FAM167A: variants seen among roughly 807,000 people sequenced by gnomAD.
The protein encoded by FAM167A is protein FAM167A.
A neutral mutation model predicts 14.9 loss-of-function variants in FAM167A; 23 were observed. That is an observed-to-expected ratio of 1.55 (90% CI 1.11 to 2.19). FAM167A has a LOEUF of 2.19. Ranked by LOEUF, FAM167A falls within the 30% of genes most tolerant of loss-of-function variation. FAM167A has a pLI of 0.00. For missense variants in FAM167A, 401 were observed against 281.5 expected, an observed-to-expected ratio of 1.42 and a Z score of -3.04; for synonymous variants, 174 against 117.7, an observed-to-expected ratio of 1.48 and a Z score of -3.10.
At chr8:11,446,827 G>A (rs565288332) in intron 1 of FAM167A, among the ~76,000 whole-genome samples, 3 of 152,340 alleles carry the variant, frequency 2.0e-5, no homozygotes, top group South Asian at 2.1e-4. Context: ...CCCAGGCGCC[G>A]TCTGCCTCTT....
At chr8:11,466,267 C>T (rs1218655463) in intron 1 of FAM167A, among the ~76,000 whole-genome samples, 1 of 152,240 alleles carries the variant, frequency 6.6e-6, no homozygotes, top group Non-Finnish European at 1.5e-5. Context: ...TGGAGGTCAC[C>T]AGCCGCCTGG....
chr8:11,468,931 G>T (rs1257687983), upstream of FAM167A, among the ~76,000 whole-genome samples: 4 of 152,232 alleles, frequency 2.6e-5, no homozygotes, highest in Non-Finnish European at 5.9e-5. Context: ...CAGGAGGAGA[G>T]TGGGCCAGAG....
Position 11,424,153 on chromosome 8 carries a change from T to G in FAM167A, c.*220A>C. 3.5e-6 allele frequency: 2 copies of G among 575,024 alleles called. No individual in the cohort carries two copies. Among genetic ancestry groups the G allele is most frequent in the East Asian group, 3.0e-5 (1 of 33,174 alleles). 35.6% of individuals were successfully genotyped at this position (575,024 alleles called of 1,614,324 possible). A position where few individuals can be genotyped will look rare whatever the true frequency, so the allele number is the denominator to read the frequency against. ...TGGAGCGGCCCTTCTGCAGAGCTCT[T>G]TGGGTAGTAAGCAAGAGCCAGTCAC... On this transcript the variant is annotated 3_prime_UTR_variant, in exon 3 of 3. Coordinates refer to ENST00000284486, the MANE Select transcript of FAM167A (RefSeq NM_053279.3).
rs1317946295 is a variant in FAM167A at position 11,427,873 on chromosome 8, G to C, written c.382-3237C>G. 2.0e-5 allele frequency among the ~76,000 whole-genome samples: 3 copies of C among 152,138 alleles called. No individual in the cohort carries two copies. In the East Asian group the frequency reaches 5.8e-4, roughly 29 times the overall value. On this transcript the variant is annotated intron_variant, in intron 2 of 2. Transcript: ENST00000284486. Reference sequence around the variant, plus strand: ...AATTTATTGCTAATTAAATTCTATTGACCTAGAATAGCACCAAATTAATGA... The same window carrying C: ...AATTTATTGCTAATTAAATTCTATTCACCTAGAATAGCACCAAATTAATGA...
intron 2 of FAM167A, among the ~76,000 whole-genome samples, chr8:11,442,242 G>C (rs994788715): frequency 1.3e-5 from 2 of 152,160 alleles, no homozygotes; most frequent in Non-Finnish European, 1.5e-5. Flanking sequence ...CAGGAGATGT[G>C]AGCATGACTT....
At chr8:11,463,376 G>C (rs1807615579) in intron 1 of FAM167A, among the ~76,000 whole-genome samples, 2 of 152,190 alleles carry the variant, frequency 1.3e-5, no homozygotes, top group Non-Finnish European at 2.9e-5. Flanking sequence ...GGACAGTGGG[G>C]GCCAGGTCCC....
chr8:11,463,478 C>T (rs578114813), intron 1 of FAM167A, among the ~76,000 whole-genome samples: 16 of 152,308 alleles, frequency 1.1e-4, no homozygotes, highest in Admixed American at 5.2e-4. Context: ...CCAGCCAGCT[C>T]GCAGAGGCTC....
At chr8:11,460,955 G>C (rs1011112801) in intron 1 of FAM167A, among the ~76,000 whole-genome samples, 1 of 152,236 alleles carries the variant, frequency 6.6e-6, no homozygotes, top group Non-Finnish European at 1.5e-5. Context: ...ATGGGCTCAG[G>C]CTGCTTCAAG....
intron 2 of FAM167A, among the ~76,000 whole-genome samples, chr8:11,432,457 CAAAT>C (rs1461053480): frequency 2.0e-5 from 3 of 152,050 alleles, no homozygotes; most frequent in African/African-American, 4.8e-5. Flanking sequence ...AGCCAACAGA[CAAAT>C]AAAAAACACT....
chr8:11,444,051 C>A lies in FAM167A; in HGVS notation c.361G>T (p.Ala121Ser), dbSNP rs1251210802. The A allele has an allele frequency of 1.2e-6, 2 of 1,613,290 alleles. No homozygotes were observed. Among genetic ancestry groups the A allele is most frequent in the East Asian group, 2.2e-5 (1 of 44,880 alleles). ...EGFQSIDEAI[A>S]WLRKELTEMR... ...CTCACCAGTTCCTTCCTGAGCCAGG[C>A]TATAGCTTCATCGATGCTCTGAAAG... Residue 121 changes from alanine to serine, a missense_variant, in exon 2 of 3, where the codon GCC becomes TCC. Physicochemically the swap from Ala to Ser is moderately conservative, Grantham distance 99. Transcript: ENST00000284486.
At chr8:11,471,500 C>T (rs906053931), upstream of FAM167A, among the ~76,000 whole-genome samples, 25 of 152,162 alleles carry the variant, frequency 1.6e-4, no homozygotes, top group African/African-American at 5.8e-4. Flanking sequence ...GAGGTGGTGA[C>T]AGCAGGGGAC....
chr8:11,435,148 C>G (rs1379790731), intron 2 of FAM167A: 1 of 456,580 alleles, frequency 2.2e-6, no homozygotes, highest in Admixed American at 2.3e-5. Context: ...AGCCTCCTCT[C>G]CCACTCTGAT....
intron 1 of FAM167A, among the ~76,000 whole-genome samples, chr8:11,464,452 C>A (rs923234060): frequency 6.6e-6 from 1 of 152,160 alleles, no homozygotes; most frequent in African/African-American, 2.4e-5. Flanking sequence ...CTGCTCCCCA[C>A]CTCCCCCTGC....
chr8:11,452,057 G>A (rs28583691), intron 1 of FAM167A, among the ~76,000 whole-genome samples: 1 of 152,120 alleles, frequency 6.6e-6, no homozygotes, highest in Non-Finnish European at 1.5e-5. Context: ...CAATCCAAAA[G>A]GCTCCCTCTG....
intron 1 of FAM167A, among the ~76,000 whole-genome samples, chr8:11,475,548 T>C (rs1797849804): frequency 6.6e-6 from 1 of 151,870 alleles, no homozygotes; most frequent in African/African-American, 2.4e-5. Flanking sequence ...ACAGTTGAGA[T>C]CCAACCTTTT....
At chr8:11,449,219 A>C (rs1288255052) in intron 1 of FAM167A, among the ~76,000 whole-genome samples, 1 of 152,236 alleles carries the variant, frequency 6.6e-6, no homozygotes, top group Non-Finnish European at 1.5e-5. Flanking sequence ...GAACAAGCCC[A>C]AAGGGGTTTC....
At chr8:11,454,320 C>G (rs4841541) in intron 1 of FAM167A, among the ~76,000 whole-genome samples, 46,022 of 152,196 alleles carry the variant, frequency 0.3, 7,670 homozygotes, top group Middle Eastern at 0.44. Flanking sequence ...ATCAGAGAGA[C>G]TCGTGGCTTC....
intron 2 of FAM167A, among the ~76,000 whole-genome samples, chr8:11,433,396 C>G (rs1805756060): frequency 1.3e-5 from 2 of 152,038 alleles, no homozygotes; most frequent in African/African-American, 4.8e-5. Flanking sequence ...AATAGTTTGT[C>G]TTTTTTCTAT....
chr8:11,425,670 C>T lies in FAM167A; in HGVS notation c.382-1034G>A, dbSNP rs560927120. Among the ~76,000 whole-genome samples, 50 of 149,734 alleles carry T rather than the reference C, an allele frequency of 3.3e-4. 1 individual carries two copies. In the South Asian group the frequency reaches 8.8e-3, roughly 26 times the overall value. On this transcript the variant is annotated intron_variant, in intron 2 of 2. Coordinates refer to ENST00000284486, the MANE Select transcript of FAM167A (RefSeq NM_053279.3). ...GGAGTTCAGACATGCTTTGTTATAC[C>T]CCCCCTTGCTGTTGGAGTTTAGGCA...
Sources: allele counts gnomAD v4.1 joint callset (sites outside exome capture counted in the v4.1 genomes callset), GRCh38; gene constraint gnomAD v4.1.1; transcripts MANE v1.5; gene names NCBI Gene and HGNC (gene_info 2026-07-23, HGNC 2026-07-21).